The following DCLK1 variants were observed in gnomAD, a reference collection of about 807,000 sequenced individuals.
DCLK1 encodes serine/threonine-protein kinase DCLK1.
A neutral mutation model predicts 86.2 loss-of-function variants in DCLK1; 16 were observed. That is an observed-to-expected ratio of 0.19 (90% CI 0.13 to 0.28). DCLK1 has a LOEUF of 0.28. Among genes scored for constraint, DCLK1 ranks in the 10% least tolerant of loss-of-function variants. The pLI, the probability that DCLK1 is intolerant of heterozygous loss-of-function variation, is 1.00. For missense variants in DCLK1, 590 were observed against 940.2 expected, an observed-to-expected ratio of 0.63 and a Z score of 4.87; for synonymous variants, 369 against 370.5, an observed-to-expected ratio of 1.00 and a Z score of 0.05.
At chr13:35,941,788 C>T (rs9574960) in intron 4 of DCLK1, among the ~76,000 whole-genome samples, 3,647 of 152,190 alleles carry the variant, frequency 0.024, 180 homozygotes, top group East Asian at 0.21. Flanking sequence ...TGTTTTGTTT[C>T]AGTTCATATT....
chr13:35,998,438 T>C (rs947328255), intron 3 of DCLK1, among the ~76,000 whole-genome samples: 3 of 152,106 alleles, frequency 2.0e-5, no homozygotes, highest in Admixed American at 6.5e-5. Flanking sequence ...CTCACAGCCA[T>C]ACGAATAGCT....
intron 10 of DCLK1, among the ~76,000 whole-genome samples, chr13:35,826,733 T>G (rs963884705): frequency 5.3e-5 from 8 of 152,114 alleles, no homozygotes; most frequent in African/African-American, 1.7e-4. Context: ...TACTAAATGC[T>G]TTCCTCGTCT....
intron 6 of DCLK1, chr13:35,850,680 C>A: frequency 6.6e-7 from 1 of 1,514,754 alleles, no homozygotes; most frequent in Non-Finnish European, 8.8e-7. Flanking sequence ...GTGAAACCTT[C>A]ACCCAATCAC....
intron 15 of DCLK1, 27 bp from the exon 16 acceptor site, chr13:35,793,506 G>C: frequency 6.6e-7 from 1 of 1,518,660 alleles, no homozygotes; most frequent in Non-Finnish European, 9.0e-7. Flanking sequence ...AAAGAGAAGA[G>C]AAAAAGAAAG....
chr13:35,844,065 A>G (rs1454465183), intron 6 of DCLK1, among the ~76,000 whole-genome samples: 2 of 152,228 alleles, frequency 1.3e-5, no homozygotes. Flanking sequence ...CTCTGCAATT[A>G]CTAATAAGGC....
chr13:35,847,164 TTTAATAG>T, intron 6 of DCLK1: 1 of 953,098 alleles, frequency 1.0e-6, no homozygotes, highest in Non-Finnish European at 1.2e-6. Flanking sequence ...GTTACTTATA[TTTAATAG>T]TTAACACAAT....
rs555371036 is a variant in DCLK1, at chr13:35,955,826, T to G, written c.724-8369A>C. Among the ~76,000 whole-genome samples the G allele has an allele frequency of 5.9e-5, 9 of 152,324 alleles. No homozygotes were observed. In the South Asian group the frequency reaches 1.9e-3, roughly 32 times the overall value. ...GAGAACACCAGGGATGAGCAGCTACTGCTGTCAGTGCTGATACTAGTAAGG... is the reference window on the plus strand; with the variant it reads ...GAGAACACCAGGGATGAGCAGCTACGGCTGTCAGTGCTGATACTAGTAAGG... On this transcript the variant is annotated intron_variant, in intron 3 of 16. Coordinates refer to ENST00000360631, the MANE Select transcript of DCLK1 (RefSeq NM_001330071.2).
intron 3 of DCLK1, among the ~76,000 whole-genome samples, chr13:35,996,571 G>T (rs1182087133): frequency 6.6e-6 from 1 of 152,306 alleles, no homozygotes; most frequent in African/African-American, 2.4e-5. Flanking sequence ...ACCTCCACAA[G>T]CAGGAGGCCA....
At chr13:36,106,210 A>G (rs2138176566) in intron 3 of DCLK1, among the ~76,000 whole-genome samples, 1 of 152,324 alleles carries the variant, frequency 6.6e-6, no homozygotes, top group Non-Finnish European at 1.5e-5. Context: ...AAGTGAAAAA[A>G]AAAAGGACTT....
upstream of DCLK1, among the ~76,000 whole-genome samples, chr13:36,131,767 T>A (rs1474395144): frequency 6.6e-6 from 1 of 152,136 alleles, no homozygotes; most frequent in African/African-American, 2.4e-5. Flanking sequence ...CCCACACTCA[T>A]ACCTTTTGAT....
chr13:36,021,999 G>C (rs1578810), intron 3 of DCLK1, among the ~76,000 whole-genome samples: 1 of 151,886 alleles, frequency 6.6e-6, no homozygotes, highest in Non-Finnish European at 1.5e-5. Flanking sequence ...CATGTATTAA[G>C]CCATAAAATG....
chr13:36,036,153 C>T (rs1023932015), intron 3 of DCLK1, among the ~76,000 whole-genome samples: 2 of 152,160 alleles, frequency 1.3e-5, no homozygotes, highest in African/African-American at 4.8e-5. Flanking sequence ...TAAGTTACCA[C>T]CCCTTTCCAT....
intron 14 of DCLK1, among the ~76,000 whole-genome samples, chr13:35,807,312 C>T (rs1593610327): frequency 6.6e-6 from 1 of 152,280 alleles, no homozygotes; most frequent in East Asian, 1.9e-4. Flanking sequence ...TGTTGTGCAA[C>T]CATCACCTTC....
At chr13:35,912,461 A>C (rs1423874800) in intron 4 of DCLK1, among the ~76,000 whole-genome samples, 1 of 152,040 alleles carries the variant, frequency 6.6e-6, no homozygotes, top group African/African-American at 2.4e-5. Flanking sequence ...GGCAGAAGAG[A>C]GAAGCAGCTT....
At chr13:35,848,135 G>A (rs1870348076) in intron 6 of DCLK1, 1 of 985,286 alleles carries the variant, frequency 1.0e-6, no homozygotes, top group Non-Finnish European at 1.2e-6. Flanking sequence ...CGCATTTAAG[G>A]ATTATCATTA....
intron 4 of DCLK1, among the ~76,000 whole-genome samples, chr13:35,935,080 G>A (rs1413528909): frequency 6.6e-6 from 1 of 152,172 alleles, no homozygotes; most frequent in Non-Finnish European, 1.5e-5. Context: ...GGTGGGTGAG[G>A]AAGGAGAAGA....
At chr13:35,980,151 T>C (rs920323989) in intron 3 of DCLK1, among the ~76,000 whole-genome samples, 5 of 152,190 alleles carry the variant, frequency 3.3e-5, no homozygotes, top group Admixed American at 1.3e-4. Flanking sequence ...TGAAACTCTG[T>C]ATCCATTAAA....
intron 3 of DCLK1, among the ~76,000 whole-genome samples, chr13:36,075,640 C>A (rs927570642): frequency 2.0e-5 from 3 of 152,202 alleles, no homozygotes; most frequent in South Asian, 2.1e-4. Context: ...GCCTCAAATT[C>A]TTGTCTGCAA....
upstream of DCLK1, chr13:36,131,439 G>A: frequency 5.5e-6 from 1 of 183,434 alleles, no homozygotes; most frequent in South Asian, 1.0e-4. Flanking sequence ...ACGCCCTCCC[G>A]TCTCCCTCCT....
Sources: gnomAD v4.1 joint callset for allele counts (sites outside exome capture counted in the v4.1 genomes callset) on GRCh38, gnomAD v4.1.1 for gene constraint, MANE v1.5 for transcripts, NCBI Gene and HGNC (gene_info 2026-07-23, HGNC 2026-07-21) for gene names.